The following GRID2 variants were observed in gnomAD, a reference collection of about 807,000 sequenced individuals.
GRID2 encodes the protein glutamate ionotropic receptor delta type subunit 2, also known as glutamate receptor ionotropic, delta-2.
A neutral mutation model predicts 114.8 loss-of-function variants in GRID2; 33 were observed. The ratio of observed to expected loss-of-function variants is 0.29; its 90% CI spans 0.22 to 0.38. GRID2 has a LOEUF of 0.38. Among genes scored for constraint, GRID2 ranks in the 10% least tolerant of loss-of-function variants. The probability of loss-of-function intolerance (pLI) is 1.00; values close to 1 mark genes in which losing one functional copy is unlikely to be tolerated. For missense variants in GRID2, 1,184 were observed against 1,257.7 expected (o/e 0.94, Z 0.89); for synonymous variants, 505 against 449.9 (o/e 1.12, Z -1.55).
chr4:92,815,944 G>GA (rs1235307774), intron 2 of GRID2, among the ~76,000 whole-genome samples: 88 of 92,554 alleles, frequency 9.5e-4, no homozygotes, highest in Non-Finnish European at 1.5e-3. Flanking sequence ...AAAAAGGAAA[G>GA]AAAAAAACAA....
chr4:92,543,276 C>T (rs1726070742), intron 1 of GRID2, among the ~76,000 whole-genome samples: 1 of 152,032 alleles, frequency 6.6e-6, no homozygotes, highest in African/African-American at 2.4e-5. Flanking sequence ...GGAAATTGCC[C>T]AAGGTCACAC....
At chr4:92,704,177 T>C (rs901639564) in intron 2 of GRID2, among the ~76,000 whole-genome samples, 1 of 151,796 alleles carries the variant, frequency 6.6e-6, no homozygotes, top group Admixed American at 6.6e-5. Flanking sequence ...ACTCAGGAGG[T>C]TGAGGCAGGA....
At chr4:93,624,880 A>AATG (rs1742554639) in intron 13 of GRID2, among the ~76,000 whole-genome samples, 1 of 152,084 alleles carries the variant, frequency 6.6e-6, no homozygotes, top group African/African-American at 2.4e-5. Context: ...AAAAAAAATA[A>AATG]TCACTAAAGA....
At chr4:93,109,119 A>G (rs775300760) in intron 3 of GRID2, among the ~76,000 whole-genome samples, 9 of 152,184 alleles carry the variant, frequency 5.9e-5, no homozygotes, top group Non-Finnish European at 1.2e-4. Context: ...TGCTTAATTC[A>G]TGGTTCAGAG....
At chr4:92,823,674 G>T (rs1022238888) in intron 2 of GRID2, among the ~76,000 whole-genome samples, 6 of 152,126 alleles carry the variant, frequency 3.9e-5, no homozygotes, top group Admixed American at 3.3e-4. Context: ...CTTAAGTTAT[G>T]ATTAATTTTA....
intron 2 of GRID2, among the ~76,000 whole-genome samples, chr4:92,938,819 G>T (rs913343195): frequency 6.9e-6 from 1 of 144,996 alleles, no homozygotes; most frequent in Non-Finnish European, 1.5e-5. Flanking sequence ...GCAGTGTTTG[G>T]TTTTTTGTCC....
At chr4:92,514,568 T>A (rs1315122524) in intron 1 of GRID2, among the ~76,000 whole-genome samples, 1 of 151,928 alleles carries the variant, frequency 6.6e-6, no homozygotes, top group Non-Finnish European at 1.5e-5. Flanking sequence ...CTACCACTGC[T>A]AGCTGATGTG....
rs76821545 is a variant in GRID2 at position 93,196,199 on chromosome 4, C to A, written c.736-11205C>A. On this transcript the variant is annotated intron_variant, in intron 4 of 15. Transcript: ENST00000282020. Reference sequence around the variant, plus strand: ...TTTGAAAACATTTTTTACAGTAGGCCACAAAGCTGCCTTTTTATGGAAGAA... The same window carrying A: ...TTTGAAAACATTTTTTACAGTAGGCAACAAAGCTGCCTTTTTATGGAAGAA... Among the ~76,000 whole-genome samples the A allele has an allele frequency of 8.1e-3, 1,232 of 152,194 alleles. 13 individuals carry two copies. Among genetic ancestry groups the A allele is most frequent in the South Asian group, 0.036 (176 of 4,822 alleles).
At chr4:92,520,561 G>C (rs943195956) in intron 1 of GRID2, among the ~76,000 whole-genome samples, 3 of 151,932 alleles carry the variant, frequency 2.0e-5, no homozygotes, top group African/African-American at 4.8e-5. Flanking sequence ...GCCTGGATGA[G>C]GTTGCTCTAG....
chr4:93,427,283 C>A (rs2149374829), intron 10 of GRID2, among the ~76,000 whole-genome samples: 1 of 151,932 alleles, frequency 6.6e-6, no homozygotes, highest in Admixed American at 6.5e-5. Context: ...CAAAATTACA[C>A]CGTTGAAATG....
chr4:93,651,550 C>T (rs1018948319), intron 14 of GRID2, among the ~76,000 whole-genome samples: 1 of 152,150 alleles, frequency 6.6e-6, no homozygotes, highest in Non-Finnish European at 1.5e-5. Context: ...GGGGATCTTG[C>T]ATCACCTCAA....
chr4:92,521,061 T>C (rs946772264), intron 1 of GRID2, among the ~76,000 whole-genome samples: 1 of 151,968 alleles, frequency 6.6e-6, no homozygotes, highest in Non-Finnish European at 1.5e-5. Context: ...CAGAACATTA[T>C]ATAATATTTT....
intron 1 of GRID2, among the ~76,000 whole-genome samples, chr4:92,305,889 A>G (rs960962789): frequency 6.6e-6 from 1 of 152,174 alleles, no homozygotes; most frequent in Non-Finnish European, 1.5e-5. Context: ...GGCTGCAGAG[A>G]GGTCCCTTTG....
intron 3 of GRID2, among the ~76,000 whole-genome samples, chr4:93,096,170 A>T (rs995829207): frequency 6.6e-6 from 1 of 152,004 alleles, no homozygotes; most frequent in Non-Finnish European, 1.5e-5. Context: ...TGGAATCAAA[A>T]CAAAAATAAA....
intron 11 of GRID2, among the ~76,000 whole-genome samples, 175 bp downstream of exon 11, chr4:93,456,149 C>G (rs962542017): frequency 6.6e-6 from 1 of 152,148 alleles, no homozygotes. Flanking sequence ...CTCAGACACA[C>G]CAAGTTTCCA....
chr4:93,073,562 G>T (rs1475293215), intron 2 of GRID2, among the ~76,000 whole-genome samples: 2 of 152,106 alleles, frequency 1.3e-5, no homozygotes, highest in Non-Finnish European at 2.9e-5. Flanking sequence ...TGTGGGGGTT[G>T]ACACTTCTAA....
intron 11 of GRID2, 70 bp downstream of exon 11, chr4:93,456,044 G>A: frequency 1.1e-6 from 1 of 880,870 alleles, no homozygotes; most frequent in Non-Finnish European, 1.9e-6. Flanking sequence ...CATGTATTCA[G>A]TTAATAAGGT....
chr4:93,533,433 G>A (rs1731707066), intron 13 of GRID2, among the ~76,000 whole-genome samples: 1 of 149,326 alleles, frequency 6.7e-6, no homozygotes, highest in Admixed American at 6.7e-5. Flanking sequence ...CCATGCAGTG[G>A]CATGATCTCA....
chr4:93,784,662 A>G (rs997719194), intron 1 of GRID2, among the ~76,000 whole-genome samples: 3 of 151,402 alleles, frequency 2.0e-5, no homozygotes, highest in Admixed American at 6.6e-5. Context: ...ACACACACAC[A>G]CACACACACA....
Sources: gnomAD v4.1 joint callset for allele counts (sites outside exome capture counted in the v4.1 genomes callset) on GRCh38, gnomAD v4.1.1 for gene constraint, MANE v1.5 for transcripts, NCBI Gene and HGNC (gene_info 2026-07-23, HGNC 2026-07-21) for gene names.